Variants in OSBPL10 observed in about 807,000 individuals in gnomAD.
The protein encoded by OSBPL10 is oxysterol binding protein like 10.
OSBPL10 carries 49 observed loss-of-function variants against 81.7 expected under a neutral mutation model. That is an observed-to-expected ratio of 0.60 (90% CI 0.48 to 0.76). The LOEUF (loss-of-function observed/expected upper bound fraction) is 0.76. OSBPL10 is among the 30% of genes least tolerant of loss of function. The probability of loss-of-function intolerance (pLI) is 0.00; values close to 1 mark genes in which losing one functional copy is unlikely to be tolerated. For synonymous variants in OSBPL10, 419 were observed against 383.6 expected (o/e 1.09, Z -1.08); for missense variants, 923 against 987.8 (o/e 0.93, Z 0.88).
chr3:32,063,097 A>G lies in OSBPL10; in HGVS notation n.185+14299T>C, dbSNP rs1388120446. On this transcript the variant is annotated intron_variant and non_coding_transcript_variant, in intron 1 of 3. Transcript: ENST00000479173. ...AAGACCTTGCAGTGGGATGTAATAA[A>G]ACTTGAATTGCAGTCCTGAATCATT... 6.4e-5 allele frequency among the ~76,000 whole-genome samples: 6 copies of G among 93,618 alleles called. 2 individuals are homozygous for G. The highest frequency in any genetic ancestry group is 1.6e-4 in the African/African-American group (6 of 36,366). 61.4% of individuals were successfully genotyped at this position (93,618 alleles called of 152,430 possible). A position where few individuals can be genotyped will look rare whatever the true frequency, so the allele number is the denominator to read the frequency against.
intron 1 of OSBPL10, among the ~76,000 whole-genome samples, chr3:31,957,861 A>G (rs999946683): frequency 6.6e-6 from 1 of 152,130 alleles, no homozygotes; most frequent in African/African-American, 2.4e-5. Context: ...GGCTGATCTT[A>G]AACCCCTGAC....
intron 4 of OSBPL10, among the ~76,000 whole-genome samples, chr3:31,797,525 A>G (rs938331387): frequency 6.6e-6 from 1 of 152,094 alleles, no homozygotes; most frequent in African/African-American, 2.4e-5. Context: ...CCTCATGCAA[A>G]CCGTTTAACC....
intron 7 of OSBPL10, among the ~76,000 whole-genome samples, chr3:31,695,576 C>T (rs568103881): frequency 7.2e-4 from 109 of 152,292 alleles, no homozygotes; most frequent in African/African-American, 2.5e-3. Context: ...AGGCACTAAC[C>T]AAGAAAACCT....
At chr3:31,789,749 G>A (rs977901483) in intron 4 of OSBPL10, among the ~76,000 whole-genome samples, 1 of 152,240 alleles carries the variant, frequency 6.6e-6, no homozygotes, top group Non-Finnish European at 1.5e-5. Flanking sequence ...GGCTAGAAGA[G>A]ACTAAGACTC....
chr3:31,664,010 A>G lies in OSBPL10; in HGVS notation c.2250+69T>C, dbSNP rs779345429. ...ATCCAGTCTTGGGGGCTCAGCAAGAAAAACCCATCTACCCTCTCAGGACAA... is the reference window on the plus strand; with the variant it reads ...ATCCAGTCTTGGGGGCTCAGCAAGAGAAACCCATCTACCCTCTCAGGACAA... On this transcript the variant is annotated intron_variant, in intron 11 of 11. Coordinates refer to ENST00000396556, the MANE Select transcript of OSBPL10 (RefSeq NM_017784.5). 3.1e-6 allele frequency: 5 copies of G among 1,613,838 alleles called. No homozygotes were observed. In the African/African-American group the frequency reaches 6.7e-5, roughly 22 times the overall value.
intron 2 of OSBPL10, among the ~76,000 whole-genome samples, chr3:32,020,502 T>C (rs1575086846): frequency 2.0e-5 from 3 of 152,328 alleles, no homozygotes; most frequent in East Asian, 3.9e-4. Context: ...TAAATAGAAT[T>C]CCATTGTATG....
chr3:32,074,853 T>G (rs1200725407), intron 1 of OSBPL10, among the ~76,000 whole-genome samples: 1 of 152,226 alleles, frequency 6.6e-6, no homozygotes. Context: ...TTTCCAGTTC[T>G]GCCTGACACA....
At chr3:31,839,053 T>C (rs1700432267) in intron 3 of OSBPL10, among the ~76,000 whole-genome samples, 1 of 152,236 alleles carries the variant, frequency 6.6e-6, no homozygotes, top group East Asian at 1.9e-4. Context: ...TCTGTTGAAT[T>C]TGATACATGG....
At chr3:31,765,259 A>T (rs1306590542) in intron 4 of OSBPL10, among the ~76,000 whole-genome samples, 1 of 151,846 alleles carries the variant, frequency 6.6e-6, no homozygotes, top group African/African-American at 2.4e-5. Context: ...GCTGGTCTAG[A>T]ACCCCTGAGC....
At chr3:31,994,691 T>G (rs933406022) in intron 2 of OSBPL10, among the ~76,000 whole-genome samples, 6 of 152,196 alleles carry the variant, frequency 3.9e-5, no homozygotes, top group Non-Finnish European at 8.8e-5. Flanking sequence ...AAATTCTTTA[T>G]AAATTGAAAG....
intron 7 of OSBPL10, among the ~76,000 whole-genome samples, chr3:31,690,365 C>T (rs1024604967): frequency 6.6e-6 from 1 of 152,164 alleles, no homozygotes; most frequent in Admixed American, 6.5e-5. Flanking sequence ...AGAACTTGTA[C>T]AGCCTGCAAA....
intron 2 of OSBPL10, among the ~76,000 whole-genome samples, chr3:32,020,742 T>C (rs1699357038): frequency 6.6e-6 from 1 of 151,406 alleles, no homozygotes; most frequent in Admixed American, 6.6e-5. Flanking sequence ...ACCTGGGATT[T>C]TATAGAAGCG....
chr3:31,742,347 G>C (rs2125685833), intron 5 of OSBPL10, among the ~76,000 whole-genome samples: 2 of 152,346 alleles, frequency 1.3e-5, no homozygotes, highest in Middle Eastern at 6.8e-3. Flanking sequence ...AAAATGGGAA[G>C]ACCAATGCAA....
At chr3:31,966,408 T>C (rs1698404304) in intron 1 of OSBPL10, among the ~76,000 whole-genome samples, 1 of 151,478 alleles carries the variant, frequency 6.6e-6, no homozygotes, top group African/African-American at 2.4e-5. Flanking sequence ...ACTAAAAAAC[T>C]ATATATAAAG....
At chr3:31,942,534 CAAAA>C (rs34915200) in intron 1 of OSBPL10, among the ~76,000 whole-genome samples, 16 of 79,744 alleles carry the variant, frequency 2.0e-4, no homozygotes, top group African/African-American at 5.9e-4. Context: ...GACTCCATCT[CAAAA>C]AAAAAAAAAA....
chr3:31,988,388 A>C (rs1440799739), intron 2 of OSBPL10, among the ~76,000 whole-genome samples: 6 of 152,154 alleles, frequency 3.9e-5, no homozygotes, highest in African/African-American at 1.4e-4. Context: ...AGTGTGTTGT[A>C]CATGTGGGAG....
chr3:31,693,465 A>G (rs570734533), intron 7 of OSBPL10, among the ~76,000 whole-genome samples: 1 of 152,352 alleles, frequency 6.6e-6, no homozygotes, highest in East Asian at 1.9e-4. Flanking sequence ...ATAACGCAGC[A>G]ATGTGGTAGA....
At chr3:31,799,927 C>A (rs1575553178) in intron 4 of OSBPL10, among the ~76,000 whole-genome samples, 1 of 152,190 alleles carries the variant, frequency 6.6e-6, no homozygotes, top group East Asian at 1.9e-4. Flanking sequence ...CCAGGCTGGT[C>A]TCGAACTCCT....
chr3:31,743,030 A>ATTT (rs1697401098), intron 5 of OSBPL10, among the ~76,000 whole-genome samples: 1 of 111,980 alleles, frequency 8.9e-6, no homozygotes, highest in Admixed American at 1.2e-4. Flanking sequence ...AAGCTAAATT[A>ATTT]GTTTTTTTTT....
Sources: gnomAD v4.1 joint callset for allele counts (sites outside exome capture counted in the v4.1 genomes callset) on GRCh38, gnomAD v4.1.1 for gene constraint, MANE v1.5 for transcripts, NCBI Gene and HGNC (gene_info 2026-07-23, HGNC 2026-07-21) for gene names.